The following TBC1D4 variants were observed in gnomAD, a reference collection of about 807,000 sequenced individuals.
TBC1D4 encodes the protein TBC1 domain family member 4.
In TBC1D4, 121 loss-of-function variants were observed where a neutral mutation model predicts 142.5. The observed-to-expected ratio is 0.85, with a 90% CI of 0.73 to 0.99. The LOEUF (loss-of-function observed/expected upper bound fraction) is 0.99. Ranked by LOEUF, TBC1D4 falls within the 50% of genes least tolerant of loss-of-function variation. The probability of loss-of-function intolerance (pLI) is 0.00; values close to 1 mark genes in which losing one functional copy is unlikely to be tolerated. For missense variants in TBC1D4, 1,475 were observed against 1,606.6 expected, an observed-to-expected ratio of 0.92 and a Z score of 1.40; for synonymous variants, 630 against 628.2, an observed-to-expected ratio of 1.00 and a Z score of -0.04.
chr13:75,399,208 G>A (rs1490839810), intron 1 of TBC1D4, among the ~76,000 whole-genome samples: 1 of 152,126 alleles, frequency 6.6e-6, no homozygotes, highest in East Asian at 1.9e-4. Flanking sequence ...TAGGCAGGAA[G>A]CATGCTAAAA....
intron 18 of TBC1D4, among the ~76,000 whole-genome samples, chr13:75,293,058 G>A (rs1057064926): frequency 5.3e-5 from 8 of 152,296 alleles, no homozygotes; most frequent in African/African-American, 1.9e-4. Context: ...GGGAGGCTGA[G>A]GCAGGAGAAT....
At chr13:75,288,850 C>T (rs1312857929) in intron 20 of TBC1D4, 84 bp downstream of exon 20, 2 of 1,413,406 alleles carry the variant, frequency 1.4e-6, no homozygotes, top group East Asian at 2.3e-5. Context: ...TCATTCCACG[C>T]ACATATCCCT....
At chr13:75,400,834 A>G (rs1169472378) in intron 1 of TBC1D4, among the ~76,000 whole-genome samples, 1 of 152,054 alleles carries the variant, frequency 6.6e-6, no homozygotes, top group African/African-American at 2.4e-5. Context: ...TCACAAGGAC[A>G]CACAAAGCTT....
At chr13:75,474,135 T>C (rs1888532049) in intron 1 of TBC1D4, among the ~76,000 whole-genome samples, 1 of 152,252 alleles carries the variant, frequency 6.6e-6, no homozygotes, top group Non-Finnish European at 1.5e-5. Flanking sequence ...GCACTAATTA[T>C]TATTTTACAA....
At chr13:75,411,757 C>T (rs1262210272) in intron 1 of TBC1D4, among the ~76,000 whole-genome samples, 2 of 151,644 alleles carry the variant, frequency 1.3e-5, no homozygotes, top group African/African-American at 4.9e-5. Context: ...AGGCTGGTCT[C>T]GAACTCCTGG....
chr13:75,426,838 T>C (rs975279532), intron 1 of TBC1D4, among the ~76,000 whole-genome samples: 2 of 151,510 alleles, frequency 1.3e-5, no homozygotes, highest in Non-Finnish European at 2.9e-5. Context: ...GCCCAGGAGT[T>C]TGAGATCAGC....
intron 1 of TBC1D4, among the ~76,000 whole-genome samples, chr13:75,377,660 T>G (rs116648380): frequency 0.022 from 3,238 of 148,632 alleles, 125 homozygotes; most frequent in African/African-American, 0.075. Flanking sequence ...ATATTATATA[T>G]ATAATATAGA....
At position 75,294,986 on chromosome 13, in the gene TBC1D4, G is replaced by A. The variant is rs749959491; in HGVS notation, c.3184C>T (p.Leu1062Phe). The part of the protein sequence containing the change: ...QIQMYQLSRL[L>F]HDYHRDLYNH... ...TAGAGATCTCTGTGATAGTCATGAA[G>A]GAGCCTGGACAGCTGGTACATTTGA... Residue 1062 changes from leucine to phenylalanine, a missense_variant, in exon 18 of 21, where the codon CTT (leucine) becomes TTT (phenylalanine). Physicochemically the swap from Leu to Phe is conservative, Grantham distance 22. Coordinates refer to ENST00000377636, the MANE Select transcript of TBC1D4 (RefSeq NM_014832.5). 1.2e-6 allele frequency: 2 copies of A among 1,613,822 alleles called. No individual in the cohort carries two copies. The highest frequency in any genetic ancestry group is 3.3e-5 in the Admixed American group (2 of 60,002).
At chr13:75,375,199 G>A (rs189097381) in intron 1 of TBC1D4, among the ~76,000 whole-genome samples, 1 of 152,282 alleles carries the variant, frequency 6.6e-6, no homozygotes, top group Admixed American at 6.5e-5. Context: ...AAAACCAAGA[G>A]GAAAATGAAA....
At chr13:75,325,549 C>G (rs2138005398) in intron 10 of TBC1D4, among the ~76,000 whole-genome samples, 1 of 152,164 alleles carries the variant, frequency 6.6e-6, no homozygotes, top group East Asian at 1.9e-4. Flanking sequence ...GAAAATCATT[C>G]CAAGTTTATC....
At chr13:75,410,007 G>C (rs1328200340) in intron 1 of TBC1D4, among the ~76,000 whole-genome samples, 2 of 152,214 alleles carry the variant, frequency 1.3e-5, no homozygotes, top group East Asian at 1.9e-4. Flanking sequence ...CACCAAATTT[G>C]TTTATCTTAA....
chr13:75,314,978 T>A (rs1480709507), intron 12 of TBC1D4, among the ~76,000 whole-genome samples: 5 of 149,812 alleles, frequency 3.3e-5, no homozygotes, highest in African/African-American at 1.2e-4. Context: ...AGGCTCCATG[T>A]CAAAATAAAA....
chr13:75,419,022 G>A lies in TBC1D4; in HGVS notation c.499-56415C>T, dbSNP rs1013002486. On this transcript the variant is annotated intron_variant, in intron 1 of 20. Coordinates refer to ENST00000377636, the MANE Select transcript of TBC1D4 (RefSeq NM_014832.5). ...AAGGGTTGGGACCACTGATCTAAAC[G>A]TTTGTTTTGTGTAACTATTAATTGT... is the stretch of plus-strand genomic sequence containing the variant. 6.6e-5 allele frequency among the ~76,000 whole-genome samples: 10 copies of A among 152,106 alleles called. No individual in the cohort carries two copies. The East Asian group carries it at 9.6e-4, about 15-fold the overall frequency.
At chr13:75,441,638 T>C (rs531072394) in intron 1 of TBC1D4, among the ~76,000 whole-genome samples, 2 of 152,202 alleles carry the variant, frequency 1.3e-5, no homozygotes, top group Admixed American at 6.5e-5. Context: ...CATGTATAGA[T>C]TGCACACAGC....
chr13:75,314,629 C>T (rs1394372087), intron 12 of TBC1D4, among the ~76,000 whole-genome samples: 1 of 152,038 alleles, frequency 6.6e-6, no homozygotes, highest in Non-Finnish European at 1.5e-5. Flanking sequence ...ATTATGCATC[C>T]TGGATAACAC....
At chr13:75,463,760 TTA>T (rs1472329004) in intron 1 of TBC1D4, among the ~76,000 whole-genome samples, 4 of 152,172 alleles carry the variant, frequency 2.6e-5, no homozygotes, top group Admixed American at 1.3e-4. Context: ...GCTCATCTTA[TTA>T]TAGAAATAAG....
At chr13:75,369,817 T>C (rs1258851218) in intron 1 of TBC1D4, among the ~76,000 whole-genome samples, 1 of 152,186 alleles carries the variant, frequency 6.6e-6, no homozygotes, top group Non-Finnish European at 1.5e-5. Context: ...AATTCCAATG[T>C]GTGCTACATA....
At chr13:75,480,877 G>GCACACACACACACACACA (rs35548574) in intron 1 of TBC1D4, among the ~76,000 whole-genome samples, 38 of 124,064 alleles carry the variant, frequency 3.1e-4, no homozygotes, top group African/African-American at 8.9e-4. Context: ...GCACACGCAC[G>GCACACACACACACACACA]CACACACACA....
At position 75,481,339 on chromosome 13, in the gene TBC1D4, G is replaced by C; in HGVS notation, c.429C>G (p.Ile143Met). 3 of 1,613,918 alleles carry C rather than the reference G, an allele frequency of 1.9e-6. No homozygotes were observed. The highest frequency in any genetic ancestry group is 1.1e-5 in the South Asian group (1 of 91,080). Residue 143 changes from isoleucine (I) to methionine (M), a missense_variant, in exon 1 of 21, where the codon ATC becomes ATG. Physicochemically the swap from Ile to Met is conservative, Grantham distance 10. Transcript: ENST00000377636. ...ACTCGGGGTCGTCGGGCTGCGCCTTGATCAGGTAGGCAAAGTAGGTGAGGT... is the reference window on the plus strand; with the variant it reads ...ACTCGGGGTCGTCGGGCTGCGCCTTCATCAGGTAGGCAAAGTAGGTGAGGT... ...SHDLTYFAYL[I>M]KAQPDDPESQ... is the part of the protein sequence containing the mutation.
Sources: gnomAD v4.1 joint callset for allele counts (sites outside exome capture counted in the v4.1 genomes callset) on GRCh38, gnomAD v4.1.1 for gene constraint, MANE v1.5 for transcripts, NCBI Gene and HGNC (gene_info 2026-07-23, HGNC 2026-07-21) for gene names.